The following DST variants were observed in gnomAD, a reference collection of about 807,000 sequenced individuals.
The protein encoded by DST is bullous pemphigoid antigen.
A neutral mutation model predicts 875.2 loss-of-function variants in DST; 253 were observed. The observed-to-expected ratio is 0.29, with a 90% CI of 0.26 to 0.32. DST has a LOEUF of 0.32. Among genes scored for constraint, DST ranks in the 10% least tolerant of loss-of-function variants. The pLI is 1.00. For synonymous variants in DST, 3,124 were observed against 3,197.1 expected (o/e 0.98, Z 0.77); for missense variants, 8,287 against 9,111.6 (o/e 0.91, Z 3.68).
intron 13 of DST, among the ~76,000 whole-genome samples, chr6:56,648,144 A>G (rs1475100671): frequency 6.6e-6 from 1 of 152,174 alleles, no homozygotes; most frequent in Non-Finnish European, 1.5e-5. Context: ...CTTCCTGCAC[A>G]AAAGATGCTT....
chr6:56,890,955 A>G (rs1470159287), intron 3 of DST, among the ~76,000 whole-genome samples: 1 of 152,224 alleles, frequency 6.6e-6, no homozygotes, highest in African/African-American at 2.4e-5. Flanking sequence ...AGTTGCTTTC[A>G]TGGCAACACG....
chr6:56,807,303 G>A (rs556313752), intron 4 of DST, among the ~76,000 whole-genome samples: 8 of 152,136 alleles, frequency 5.3e-5, no homozygotes, highest in Admixed American at 5.2e-4. Flanking sequence ...TGTGATTACA[G>A]GTGTGAGCCA....
chr6:56,770,489 G>A (rs967148301), intron 4 of DST, among the ~76,000 whole-genome samples: 16 of 152,242 alleles, frequency 1.1e-4, no homozygotes, highest in South Asian at 2.1e-4. Flanking sequence ...ACAATAAAAC[G>A]CAGAGTGTGG....
At chr6:56,900,741 T>G in intron 2 of DST, 120 bp from the exon 3 acceptor site, 3 of 638,824 alleles carry the variant, frequency 4.7e-6, no homozygotes, top group Non-Finnish European at 6.9e-6. Context: ...TCACGTGCAC[T>G]CCCAAAGTGA....
chr6:56,813,713 T>C (rs897323940), intron 4 of DST, among the ~76,000 whole-genome samples: 4 of 152,228 alleles, frequency 2.6e-5, no homozygotes, highest in Non-Finnish European at 5.9e-5. Flanking sequence ...ATAATTGCTA[T>C]AGCAAAGGAG....
chr6:56,708,962 C>G (rs1220252974), intron 5 of DST, among the ~76,000 whole-genome samples: 1 of 152,162 alleles, frequency 6.6e-6, no homozygotes, highest in Non-Finnish European at 1.5e-5. Flanking sequence ...ATAAAGCATT[C>G]CTTTTTCTCT....
At chr6:56,543,179 TG>T (rs1337741476) in intron 61 of DST, among the ~76,000 whole-genome samples, 3 of 152,198 alleles carry the variant, frequency 2.0e-5, no homozygotes, top group Non-Finnish European at 4.4e-5. Context: ...GAATACTAAA[TG>T]GGAAAAGGGG....
intron 69 of DST, among the ~76,000 whole-genome samples, chr6:56,521,799 A>ACC (rs2096712729): frequency 1.3e-5 from 2 of 151,960 alleles, no homozygotes; most frequent in Non-Finnish European, 2.9e-5. Context: ...TTTCTAATGG[A>ACC]ACATAAACAT....
chr6:56,558,195 T>A (rs1220937528), intron 58 of DST, among the ~76,000 whole-genome samples: 2 of 152,186 alleles, frequency 1.3e-5, no homozygotes, highest in Non-Finnish European at 2.9e-5. Flanking sequence ...CTCCTTTACA[T>A]TCTCAATGCC....
chr6:56,486,792 T>C (rs1234384118), intron 87 of DST, among the ~76,000 whole-genome samples: 1 of 152,152 alleles, frequency 6.6e-6, no homozygotes, highest in African/African-American at 2.4e-5. Flanking sequence ...CCAGTAGTTA[T>C]GTAGAAATTA....
Position 56,603,569 on chromosome 6 carries a change from ACT to A in DST, c.10934_10935del (p.Gln3645LeufsTer5). On this transcript the variant is annotated frameshift_variant, in exon 41 of 104. Coordinates refer to ENST00000680361, the MANE Select transcript of DST (RefSeq NM_001374736.1). LOFTEE classifies it high-confidence loss of function. Reference protein sequence around the residue: ...NLEALKNQLRQLETFELGLAP... With the variant: ...NLEALKNQLRXLETFELGLAP... ...AGGCAGTAGACAATTCTTACCTCCAACTGTCTAAGTTGATTCTTCAAAGCTTC... is the reference window on the plus strand; with the variant it reads ...AGGCAGTAGACAATTCTTACCTCCAAGTCTAAGTTGATTCTTCAAAGCTTC... The A allele has an allele frequency of 6.2e-7, 1 of 1,605,532 alleles. No individual in the cohort carries two copies. Among genetic ancestry groups the A allele is most frequent in the African/African-American group, 1.3e-5 (1 of 74,496 alleles).
chr6:56,528,435 G>C (rs937218599), intron 67 of DST, among the ~76,000 whole-genome samples: 9 of 152,146 alleles, frequency 5.9e-5, no homozygotes, highest in African/African-American at 1.7e-4. Context: ...CAGACATGAA[G>C]AAATGAAGCC....
chr6:56,633,821 G>A (rs1196216149), intron 27 of DST, among the ~76,000 whole-genome samples: 1 of 152,114 alleles, frequency 6.6e-6, no homozygotes, highest in African/African-American at 2.4e-5. Context: ...AGGTTTTAAC[G>A]ACAAAGAAAA....
chr6:56,822,573 G>A (rs2153048647), intron 4 of DST, among the ~76,000 whole-genome samples: 1 of 152,286 alleles, frequency 6.6e-6, no homozygotes, highest in Middle Eastern at 3.4e-3. Flanking sequence ...TCAGAAAGGA[G>A]TAGGCAGAAT....
At chr6:56,790,770 G>A (rs1277292197) in intron 4 of DST, among the ~76,000 whole-genome samples, 1 of 152,112 alleles carries the variant, frequency 6.6e-6, no homozygotes, top group Admixed American at 6.6e-5. Flanking sequence ...TAAGAAAAAT[G>A]AAAACCAGTT....
chr6:56,605,023 T>G lies in DST; in HGVS notation c.9605A>C (p.Asp3202Ala), dbSNP rs561856153. The part of the protein sequence containing the change: ...KAKDVAKPNE[D>A]VPSHVLITAP... Reference sequence around the variant, plus strand: ...AGTTATTAAAACATGGCTTGGGACATCTTCATTTGGTTTGGCTACATCTTT... The same window carrying G: ...AGTTATTAAAACATGGCTTGGGACAGCTTCATTTGGTTTGGCTACATCTTT... Residue 3202 changes from aspartate to alanine, a missense_variant, in exon 40 of 104, where the codon GAT becomes GCT. Transcript: ENST00000680361. 6.2e-7 allele frequency: 1 copy of G among 1,612,856 alleles called. No homozygotes were observed. The highest frequency in any genetic ancestry group is 8.5e-7 in the Non-Finnish European group (1 of 1,179,318).
At chr6:56,880,850 T>C (rs1781808176) in intron 3 of DST, among the ~76,000 whole-genome samples, 2 of 124,728 alleles carry the variant, frequency 1.6e-5, no homozygotes, top group Admixed American at 7.9e-5. Context: ...TTTTTTTTTT[T>C]TTTTTTTTTT....
intron 56 of DST, 136 bp downstream of exon 56, chr6:56,562,002 T>C (rs2097542207): frequency 4.3e-6 from 2 of 467,800 alleles, no homozygotes; most frequent in South Asian, 1.3e-4. Flanking sequence ...TTTATGGAGA[T>C]TGTGACTATT....
In DST at chr6:56,632,060, T is replaced by C. The variant is rs748934318; in HGVS notation, c.3806-20A>G. ...GCTCCTCTGTGAAAATAAATATGTTTAGAAAATACCTTGTTTTCTATCTCT... is the reference window on the plus strand; with the variant it reads ...GCTCCTCTGTGAAAATAAATATGTTCAGAAAATACCTTGTTTTCTATCTCT... On this transcript the variant is annotated intron_variant, in intron 28 of 103. Coordinates refer to ENST00000680361, the MANE Select transcript of DST (RefSeq NM_001374736.1). The C allele has an allele frequency of 5.8e-5, 93 of 1,592,778 alleles. 1 individual carries two copies. In the Middle Eastern group the frequency reaches 1.7e-3, roughly 28 times the overall value.
Sources: allele counts gnomAD v4.1 joint callset (sites outside exome capture counted in the v4.1 genomes callset), GRCh38; gene constraint gnomAD v4.1.1; transcripts MANE v1.5; gene names NCBI Gene and HGNC (gene_info 2026-07-23, HGNC 2026-07-21).